Variants in RAPH1 observed in about 807,000 individuals in gnomAD.
RAPH1 encodes ras-associated and pleckstrin homology domains-containing protein 1.
Under a neutral mutation model 88.1 loss-of-function variants are expected in RAPH1, and 18 were observed. The ratio of observed to expected loss-of-function variants is 0.20; its 90% confidence interval spans 0.14 to 0.30. The LOEUF (loss-of-function observed/expected upper bound fraction) is 0.30. Ranked by LOEUF, RAPH1 falls within the 10% of genes least tolerant of loss-of-function variation. The probability of loss-of-function intolerance (pLI) is 1.00; values close to 1 mark genes in which losing one functional copy is unlikely to be tolerated. For missense variants in RAPH1, 1,448 were observed against 1,543.2 expected, an observed-to-expected ratio of 0.94 and a Z score of 1.03; for synonymous variants, 587 against 559.0, an observed-to-expected ratio of 1.05 and a Z score of -0.71.
chr2:203,491,679 TG>T (rs1470742210), intron 2 of RAPH1, among the ~76,000 whole-genome samples: 2 of 152,142 alleles, frequency 1.3e-5, no homozygotes. Context: ...GGCTAATTTT[TG>T]TATTTTTAGT....
At chr2:203,457,481 G>T in intron 8 of RAPH1, 49 bp downstream of exon 8, 1 of 1,468,542 alleles carries the variant, frequency 6.8e-7, no homozygotes, top group Non-Finnish European at 9.5e-7. Flanking sequence ...ACCATGCCTG[G>T]CCTAATATTT....
chr2:203,521,148 G>A (rs936615789), intron 1 of RAPH1, among the ~76,000 whole-genome samples: 1 of 152,128 alleles, frequency 6.6e-6, no homozygotes, highest in African/African-American at 2.4e-5. Context: ...CTGCCTCCTA[G>A]GTTCAAGTGA....
intron 12 of RAPH1, chr2:203,447,004 G>C (rs2098510351): frequency 6.6e-6 from 1 of 151,868 alleles, no homozygotes; most frequent in Admixed American, 6.6e-5. Flanking sequence ...CCTTAACCTA[G>C]GCCTCCCAAA....
At chr2:203,489,430 A>G (rs1688141166) in intron 4 of RAPH1, among the ~76,000 whole-genome samples, 154 bp downstream of exon 4, 1 of 152,192 alleles carries the variant, frequency 6.6e-6, no homozygotes, top group African/African-American at 2.4e-5. Context: ...ATATCTGATA[A>G]TATATTCCTT....
At chr2:203,449,402 G>A (rs1169059916) in intron 10 of RAPH1, among the ~76,000 whole-genome samples, 1 of 152,080 alleles carries the variant, frequency 6.6e-6, no homozygotes, top group Admixed American at 6.5e-5. Flanking sequence ...CAAACTGCAG[G>A]GCTGCAGCAC....
At chr2:203,479,725 G>A (rs1046015817) in intron 4 of RAPH1, among the ~76,000 whole-genome samples, 1 of 151,956 alleles carries the variant, frequency 6.6e-6, no homozygotes, top group African/African-American at 2.4e-5. Context: ...ACCAGAAAAG[G>A]ATATATGTGA....
intron 1 of RAPH1, among the ~76,000 whole-genome samples, chr2:203,520,765 G>A (rs1689831536): frequency 6.6e-6 from 1 of 152,178 alleles, no homozygotes; most frequent in African/African-American, 2.4e-5. Flanking sequence ...CCAGGGGCTG[G>A]TGAGGATGTG....
At chr2:203,445,559 C>T (rs1381815571) in intron 12 of RAPH1, 2 of 152,620 alleles carry the variant, frequency 1.3e-5, no homozygotes, top group Admixed American at 6.5e-5. Context: ...GGCAGCTGTG[C>T]TGTATCCTGG....
At chr2:203,462,809 C>A (rs184970759) in intron 4 of RAPH1, among the ~76,000 whole-genome samples, 1 of 152,274 alleles carries the variant, frequency 6.6e-6, no homozygotes, top group Admixed American at 6.5e-5. Flanking sequence ...TGGCATTAAT[C>A]TCCAATTTTA....
In RAPH1 at chr2:203,439,859, ATTG is replaced by A. The variant is rs1223225228; in HGVS notation, c.3328_3330del (p.Gln1110del). 8 of 1,613,436 alleles carry A rather than the reference ATTG, an allele frequency of 5.0e-6. No homozygotes were observed. Among genetic ancestry groups the A allele is most frequent in the African/African-American group, 1.3e-5 (1 of 74,668 alleles). ...GCCTTCTTCACTGACATTTTAGACCATTGTTGTGGTTGAGGATTAACGACTGCC... is the reference window on the plus strand; with the variant it reads ...GCCTTCTTCACTGACATTTTAGACCATTGTGGTTGAGGATTAACGACTGCC... On this transcript the variant is annotated inframe_deletion, in exon 14 of 14. Coordinates refer to ENST00000319170, the MANE Select transcript of RAPH1 (RefSeq NM_213589.3).
At chr2:203,521,872 T>A (rs1364587822) in intron 1 of RAPH1, among the ~76,000 whole-genome samples, 1 of 152,180 alleles carries the variant, frequency 6.6e-6, no homozygotes, top group Admixed American at 6.5e-5. Context: ...TTAACTGTAG[T>A]CATTTCTGGA....
intron 4 of RAPH1, among the ~76,000 whole-genome samples, chr2:203,489,269 C>T (rs1688133611): frequency 6.6e-6 from 1 of 152,036 alleles, no homozygotes; most frequent in South Asian, 2.1e-4. Context: ...CATTAAATAA[C>T]TAAATGGTTT....
intron 4 of RAPH1, among the ~76,000 whole-genome samples, chr2:203,474,594 A>C (rs1332986391): frequency 6.6e-6 from 1 of 152,232 alleles, no homozygotes; most frequent in Non-Finnish European, 1.5e-5. Context: ...ATAATGTTGG[A>C]AAATAATTTC....
intron 1 of RAPH1, among the ~76,000 whole-genome samples, chr2:203,496,135 A>C (rs185684574): frequency 1.3e-4 from 20 of 152,302 alleles, no homozygotes; most frequent in African/African-American, 4.6e-4. Context: ...AGGCGGGTGG[A>C]TCAACCTGTG....
At chr2:203,487,388 T>C (rs1688017297) in intron 4 of RAPH1, among the ~76,000 whole-genome samples, 1 of 152,026 alleles carries the variant, frequency 6.6e-6, no homozygotes, top group African/African-American at 2.4e-5. Flanking sequence ...GTTTTTTTTT[T>C]CCTTTTTTTT....
At chr2:203,443,865 A>T (rs965632735) in intron 13 of RAPH1, 2 of 152,150 alleles carry the variant, frequency 1.3e-5, no homozygotes, top group African/African-American at 4.8e-5. Context: ...CTGTAGTCCC[A>T]ACTACTCAGG....
Position 203,441,328 on chromosome 2 carries a change from G to A in RAPH1, c.1862C>T (p.Ala621Val). The A allele has an allele frequency of 1.9e-6, 3 of 1,570,178 alleles. No homozygotes were observed. The highest frequency in any genetic ancestry group is 2.6e-6 in the Non-Finnish European group (3 of 1,159,104). ...AGGTAGAGGTGGTGAAGGCTGTGAA[G>A]CAGTGTAGGGGGTGACTATCTTAGG... ...PQPKIVTPYT[A>V]SQPSPPLPPP... The change falls in exon 14 of 14, where the codon GCT becomes GTT. Residue 621 changes from alanine to valine, a missense_variant. Ala to Val is a moderately conservative substitution (Grantham distance 64). Coordinates refer to ENST00000319170, the MANE Select transcript of RAPH1 (RefSeq NM_213589.3).
Position 203,439,772 on chromosome 2 carries a change from CAGA to C in RAPH1, c.3415_3417del (p.Ser1139del). The C allele has an allele frequency of 2.5e-6, 4 of 1,614,094 alleles. No individual in the cohort carries two copies. Among genetic ancestry groups the C allele is most frequent in the Non-Finnish European group, 3.4e-6 (4 of 1,180,038 alleles). On this transcript the variant is annotated inframe_deletion, in exon 14 of 14. Transcript: ENST00000319170. ...ACAACTGTGGCCATTGTTGGCTGCT[CAGA>C]AATCTCAGCTTGAGTGAGGCGGGTG...
intron 4 of RAPH1, among the ~76,000 whole-genome samples, chr2:203,469,649 T>C (rs1321388009): frequency 6.6e-6 from 1 of 152,174 alleles, no homozygotes. Flanking sequence ...TATTCCCTAG[T>C]TAATGATGAC....
Sources: allele counts gnomAD v4.1 joint callset (sites outside exome capture counted in the v4.1 genomes callset), GRCh38; gene constraint gnomAD v4.1.1; transcripts MANE v1.5; gene names NCBI Gene and HGNC (gene_info 2026-07-23, HGNC 2026-07-21).